ACACA: variants seen among roughly 807,000 people sequenced by gnomAD.
The protein encoded by ACACA is acetyl-CoA carboxylase alpha.
Under a neutral mutation model 296.1 loss-of-function variants are expected in ACACA, and 103 were observed. That is an observed-to-expected ratio of 0.35 (90% CI 0.30 to 0.41). ACACA has a LOEUF of 0.41. ACACA is among the 10% of genes least tolerant of loss of function. The pLI is 1.00. For synonymous variants in ACACA, 953 were observed against 1,038.6 expected (o/e 0.92, Z 1.58); for missense variants, 1,554 against 2,989.7 (o/e 0.52, Z 11.20).
chr17:37,213,182 C>A (rs1346479234), intron 29 of ACACA, among the ~76,000 whole-genome samples: 2 of 151,592 alleles, frequency 1.3e-5, no homozygotes, highest in Non-Finnish European at 1.5e-5. Flanking sequence ...TACACACACA[C>A]ACGCACACAA....
chr17:37,358,919 C>G, intron 1 of ACACA: 4 of 982,170 alleles, frequency 4.1e-6, no homozygotes, highest in Non-Finnish European at 4.8e-6. Flanking sequence ...GGAGGCGGCC[C>G]CCTGCCTGCC....
intron 16 of ACACA, among the ~76,000 whole-genome samples, chr17:37,251,647 T>C (rs1459234535): frequency 2.0e-5 from 3 of 152,232 alleles, no homozygotes; most frequent in African/African-American, 7.2e-5. Flanking sequence ...GTACAAGTAA[T>C]ACATGAAATA....
chr17:37,229,555 G>A (rs1388286066), intron 25 of ACACA, among the ~76,000 whole-genome samples: 1 of 151,904 alleles, frequency 6.6e-6, no homozygotes, highest in Middle Eastern at 3.4e-3. Flanking sequence ...CACCCGCCTC[G>A]GCCTCCCAAA....
intron 41 of ACACA, among the ~76,000 whole-genome samples, chr17:37,174,021 T>TATATATATATATATATATATATATATA (rs1491485396): frequency 8.7e-5 from 1 of 11,458 alleles, no homozygotes; most frequent in Non-Finnish European, 1.5e-4. Context: ...TATATATATA[T>TATATATATATATATATATATATATATA]TTTTTTTTTT....
intron 10 of ACACA, among the ~76,000 whole-genome samples, chr17:37,270,133 T>C (rs1008387346): frequency 6.6e-6 from 1 of 152,212 alleles, no homozygotes; most frequent in African/African-American, 2.4e-5. Flanking sequence ...TACATCGAGC[T>C]TTCCTGAGTC....
chr17:37,388,752 A>C (rs1217529583), intron 1 of ACACA: 2 of 1,612,910 alleles, frequency 1.2e-6, no homozygotes, highest in African/African-American at 2.7e-5. Flanking sequence ...TGCTCAGTGG[A>C]GTTGCCATTA....
rs558517594 is a variant in ACACA at position 37,139,203 on chromosome 17, G to A, written c.5680-8985C>T. Among the ~76,000 whole-genome samples the A allele has an allele frequency of 1.4e-4, 21 of 152,282 alleles. No individual in the cohort carries two copies. In the East Asian group the frequency reaches 3.9e-3, roughly 28 times the overall value. On this transcript the variant is annotated intron_variant, in intron 45 of 55. Transcript: ENST00000616317. ...CTGAATATAAAATGAAGAAGACGAA[G>A]AAACCAATCTTCCTAAGGAACCGTG...
intron 40 of ACACA, among the ~76,000 whole-genome samples, chr17:37,180,349 C>G (rs1343797884): frequency 5.3e-5 from 8 of 152,096 alleles, no homozygotes; most frequent in African/African-American, 1.4e-4. Flanking sequence ...AAGGTAATCT[C>G]TTGTATTTGT....
At chr17:37,346,708 A>G (rs1393027407) in intron 1 of ACACA, among the ~76,000 whole-genome samples, 1 of 96,146 alleles carries the variant, frequency 1.0e-5, no homozygotes, top group Non-Finnish European at 2.2e-5. Flanking sequence ...TCTCAAAAAA[A>G]AAAAAAAAAA....
chr17:37,246,805 C>T lies in ACACA; in HGVS notation c.2460+21G>A, dbSNP rs199907780. The stretch of plus-strand genomic sequence containing the variant: ...CCTACCTTCCCCTCCCATGATCCCA[C>T]AGTCCTTTCACCACCCTGACCTCAA... On this transcript the variant is annotated intron_variant, in intron 19 of 55. Transcript: ENST00000616317. 3 of 1,613,100 alleles carry T rather than the reference C, an allele frequency of 1.9e-6. No individual in the cohort carries two copies. In the Admixed American group the frequency reaches 5.0e-5, roughly 27 times the overall value.
At chr17:37,275,507 A>G (rs2082247389) in intron 8 of ACACA, among the ~76,000 whole-genome samples, 1 of 147,716 alleles carries the variant, frequency 6.8e-6, no homozygotes, top group African/African-American at 2.6e-5. Context: ...AAAAAAAAAA[A>G]AAAAAAGAAA....
intron 54 of ACACA, among the ~76,000 whole-genome samples, chr17:37,094,577 C>G (rs995616215): frequency 4.1e-5 from 6 of 146,494 alleles, no homozygotes; most frequent in African/African-American, 9.9e-5. Flanking sequence ...GAACCACCCC[C>G]CCCCCCCCAC....
intron 45 of ACACA, among the ~76,000 whole-genome samples, chr17:37,130,436 G>T (rs1027870958): frequency 6.6e-6 from 1 of 152,010 alleles, no homozygotes; most frequent in African/African-American, 2.4e-5. Flanking sequence ...GCGCTAAGAG[G>T]GCTTACTATA....
intron 41 of ACACA, among the ~76,000 whole-genome samples, chr17:37,175,651 T>TAAAAG (rs2077085131): frequency 6.6e-6 from 1 of 152,202 alleles, no homozygotes; most frequent in Non-Finnish European, 1.5e-5. Flanking sequence ...TTTTCATCTT[T>TAAAAG]ACTTGAAACT....
intron 52 of ACACA, among the ~76,000 whole-genome samples, chr17:37,100,659 A>T (rs1319666186): frequency 6.6e-6 from 1 of 151,938 alleles, no homozygotes; most frequent in Non-Finnish European, 1.5e-5. Flanking sequence ...TAAAAAGGAC[A>T]TTGAGACAAT....
At chr17:37,326,066 G>A (rs901569351) in intron 3 of ACACA, among the ~76,000 whole-genome samples, 16 of 151,780 alleles carry the variant, frequency 1.1e-4, no homozygotes, top group Admixed American at 1.3e-4. Context: ...AAAATTAGCC[G>A]GGCATGGTGG....
intron 2 of ACACA, among the ~76,000 whole-genome samples, chr17:37,331,992 T>C (rs1279251567): frequency 6.6e-6 from 1 of 152,064 alleles, no homozygotes; most frequent in Non-Finnish European, 1.5e-5. Flanking sequence ...TTGGCTCTAA[T>C]GTGCTGACAC....
At chr17:37,125,921 T>A in intron 47 of ACACA, 127 bp from the exon 48 acceptor site, 1 of 781,342 alleles carries the variant, frequency 1.3e-6, no homozygotes, top group Non-Finnish European at 2.2e-6. Flanking sequence ...AACCAAATTA[T>A]AATAGATGGA....
At chr17:37,293,581 C>T (rs1598419203) in intron 3 of ACACA, among the ~76,000 whole-genome samples, 1 of 130,158 alleles carries the variant, frequency 7.7e-6, no homozygotes. Context: ...CTTGCTCTGT[C>T]CCCCAGGCTG....
Sources: allele counts gnomAD v4.1 joint callset (sites outside exome capture counted in the v4.1 genomes callset), GRCh38; gene constraint gnomAD v4.1.1; transcripts MANE v1.5; gene names NCBI Gene and HGNC (gene_info 2026-07-23, HGNC 2026-07-21).